Variants in PARG observed in about 807,000 individuals in gnomAD.
PARG encodes poly(ADP-ribose) glycohydrolase.
A neutral mutation model predicts 113.0 loss-of-function variants in PARG; 35 were observed. The ratio of observed to expected loss-of-function variants is 0.31; its 90% confidence interval spans 0.24 to 0.41. The LOEUF (loss-of-function observed/expected upper bound fraction) is 0.41, where lower values mean the gene tolerates loss of function less well. PARG is among the 10% of genes least tolerant of loss of function. The pLI, the probability that PARG is intolerant of heterozygous loss-of-function variation, is 1.00. For synonymous variants in PARG, 330 were observed against 409.9 expected, an observed-to-expected ratio of 0.81 and a Z score of 2.36; for missense variants, 797 against 1,169.4, an observed-to-expected ratio of 0.68 and a Z score of 4.64.
At chr10:49,925,119 T>C (rs1269904002) in intron 4 of PARG, among the ~76,000 whole-genome samples, 2 of 152,098 alleles carry the variant, frequency 1.3e-5, no homozygotes, top group African/African-American at 4.8e-5. Context: ...AGTTTCATTC[T>C]GAAACCATCC....
intron 7 of PARG, among the ~76,000 whole-genome samples, chr10:49,901,502 A>T (rs1461954286): frequency 6.6e-6 from 1 of 151,928 alleles, no homozygotes; most frequent in Non-Finnish European, 1.5e-5. Flanking sequence ...TAACGTGCAT[A>T]CATACATATT....
At chr10:49,936,120 G>T (rs1188873223) in intron 1 of PARG, among the ~76,000 whole-genome samples, 4 of 152,050 alleles carry the variant, frequency 2.6e-5, no homozygotes, top group African/African-American at 9.7e-5. Flanking sequence ...GGCATGAGGG[G>T]AGCTGGAATC....
intron 9 of PARG, among the ~76,000 whole-genome samples, chr10:49,874,863 A>G (rs1846879824): frequency 7.8e-6 from 1 of 127,982 alleles, no homozygotes; most frequent in South Asian, 2.6e-4. Context: ...CAAAAAAAAC[A>G]AAAACAAAAA....
chr10:49,921,734 C>T (rs1554849371), intron 6 of PARG, among the ~76,000 whole-genome samples: 1 of 149,228 alleles, frequency 6.7e-6, no homozygotes. Flanking sequence ...GGCTATAGTG[C>T]CCCCAAATAT....
chr10:49,922,106 G>C (rs543136128), intron 6 of PARG, among the ~76,000 whole-genome samples: 38 of 152,162 alleles, frequency 2.5e-4, no homozygotes, highest in Non-Finnish European at 5.1e-4. Flanking sequence ...AGAAACAGAG[G>C]TATTATTCCT....
At chr10:49,930,193 G>A (rs1838416338) in intron 4 of PARG, among the ~76,000 whole-genome samples, 5 of 151,844 alleles carry the variant, frequency 3.3e-5, no homozygotes, top group Admixed American at 2.0e-4. Context: ...AAATTTGATT[G>A]TGCAGTTCTT....
chr10:49,898,657 C>T (rs1222226326), intron 7 of PARG, among the ~76,000 whole-genome samples: 2 of 152,110 alleles, frequency 1.3e-5, no homozygotes, highest in Non-Finnish European at 2.9e-5. Flanking sequence ...ATATAACATA[C>T]ACACACACAC....
chr10:49,888,014 T>C (rs1847580978), intron 7 of PARG, among the ~76,000 whole-genome samples: 1 of 152,212 alleles, frequency 6.6e-6, no homozygotes, highest in East Asian at 1.9e-4. Context: ...TTATCTAAAA[T>C]GTTTCTGACT....
At chr10:49,911,949 T>G (rs1837210848) in intron 7 of PARG, among the ~76,000 whole-genome samples, 1 of 152,344 alleles carries the variant, frequency 6.6e-6, no homozygotes, top group East Asian at 1.9e-4. Context: ...TCAAATTTAA[T>G]TCTTTTCCTT....
chr10:49,892,584 T>A (rs1847861906), intron 7 of PARG, among the ~76,000 whole-genome samples: 2 of 152,240 alleles, frequency 1.3e-5, no homozygotes, highest in African/African-American at 4.8e-5. Flanking sequence ...CCAACATTTT[T>A]AAAAATTTCA....
chr10:49,920,093 C>G (rs185762758), intron 6 of PARG, among the ~76,000 whole-genome samples: 361 of 151,664 alleles, frequency 2.4e-3, no homozygotes, highest in East Asian at 0.018. Context: ...TTCATTATAC[C>G]TGAAATTTTA....
intron 7 of PARG, among the ~76,000 whole-genome samples, chr10:49,913,046 C>G (rs139535039): frequency 0.012 from 1,839 of 152,236 alleles, 40 homozygotes; most frequent in African/African-American, 0.042. Flanking sequence ...AACTTAAAAC[C>G]AAAGCAAACA....
At chr10:49,858,246 T>G (rs1168163315) in intron 12 of PARG, among the ~76,000 whole-genome samples, 4 of 121,372 alleles carry the variant, frequency 3.3e-5, no homozygotes, top group Admixed American at 9.0e-5. Flanking sequence ...TTGTCCAGTG[T>G]GTCCAGCACT....
chr10:49,915,959 A>T lies in PARG; in HGVS notation c.1695T>A (p.Ser565=), dbSNP rs1837449595. The T allele has an allele frequency of 1.3e-6, 2 of 1,542,736 alleles. No individual in the cohort carries two copies. The highest frequency in any genetic ancestry group is 4.9e-5 in the East Asian group (2 of 41,174). ...TCAAAGCTGTAAAGTCCCATTTCTT[A>T]GAATATGCCACATTGTATTTCAGAA... The part of the protein sequence containing the change: ...DAILKYNVAY[S]KKWDFTALID... Residue 565 remains serine, a synonymous_variant, in exon 7 of 18, where the codon TCT becomes TCA. Coordinates refer to ENST00000616448, the MANE Select transcript of PARG (RefSeq NM_003631.5).
intron 12 of PARG, among the ~76,000 whole-genome samples, chr10:49,861,137 T>C (rs1588910350): frequency 6.6e-6 from 1 of 152,240 alleles, no homozygotes; most frequent in African/African-American, 2.4e-5. Context: ...GTTTTAGATG[T>C]CTGCCCCCTC....
At chr10:49,894,744 T>C (rs1361099947) in intron 7 of PARG, among the ~76,000 whole-genome samples, 6 of 152,250 alleles carry the variant, frequency 3.9e-5, no homozygotes, top group Admixed American at 3.9e-4. Context: ...TTGATTGTTA[T>C]GTCAGTATCA....
chr10:49,932,570 A>G (rs1370934722), intron 3 of PARG, among the ~76,000 whole-genome samples: 2 of 152,130 alleles, frequency 1.3e-5, no homozygotes, highest in African/African-American at 2.4e-5. Context: ...GTAATTTTCA[A>G]TGAAGTGAAC....
In PARG at chr10:49,832,926, T is replaced by C. The variant is rs1234950715; in HGVS notation, c.2542-18A>G. ...CAGTAAGCCTGCAGGATAAAAGAAT[T>C]ATCAAAGCCTGTGAGTGCCTAGACA... On this transcript the variant is annotated intron_variant, in intron 15 of 17. Transcript: ENST00000616448. 40 of 1,378,400 alleles carry C rather than the reference T, an allele frequency of 2.9e-5. No homozygotes were observed. Among genetic ancestry groups the C allele is most frequent in the Non-Finnish European group, 4.0e-5 (40 of 992,130 alleles). 85.4% of individuals were successfully genotyped at this position (1,378,400 alleles called of 1,614,324 possible). A position where few individuals can be genotyped will look rare whatever the true frequency, so the allele number is the denominator to read the frequency against.
intron 15 of PARG, among the ~76,000 whole-genome samples, chr10:49,840,541 A>G (rs1266097750): frequency 2.6e-5 from 4 of 152,064 alleles, no homozygotes; most frequent in African/African-American, 9.7e-5. Flanking sequence ...ATTACTTTTT[A>G]TTTTCATTTT....
Sources: gnomAD v4.1 joint callset for allele counts (sites outside exome capture counted in the v4.1 genomes callset) on GRCh38, gnomAD v4.1.1 for gene constraint, MANE v1.5 for transcripts, NCBI Gene and HGNC (gene_info 2026-07-23, HGNC 2026-07-21) for gene names.